The following TTC13 variants were observed in gnomAD, a reference collection of about 807,000 sequenced individuals.
TTC13 encodes the protein tetratricopeptide repeat domain 13, also known as tetratricopeptide repeat protein 13.
A neutral mutation model predicts 120.0 loss-of-function variants in TTC13; 62 were observed. The ratio of observed to expected loss-of-function variants is 0.52; its 90% CI spans 0.42 to 0.64. The LOEUF (loss-of-function observed/expected upper bound fraction) is 0.64, where lower values mean the gene tolerates loss of function less well. TTC13 is among the 30% of genes least tolerant of loss of function. The pLI is 0.00. For missense variants in TTC13, 824 were observed against 1,050.2 expected (o/e 0.78, Z 2.98); for synonymous variants, 384 against 393.5 (o/e 0.98, Z 0.28).
chr1:230,958,781 C>T (rs1055185367), intron 2 of TTC13, among the ~76,000 whole-genome samples: 4 of 152,134 alleles, frequency 2.6e-5, no homozygotes, highest in Non-Finnish European at 5.9e-5. Context: ...ACTTGAGCTC[C>T]GGAATTTCGA....
intron 3 of TTC13, among the ~76,000 whole-genome samples, chr1:230,956,851 A>G (rs1184895555): frequency 6.6e-6 from 1 of 152,212 alleles, no homozygotes. Context: ...AAAAGCTGGT[A>G]TAACTGGACT....
chr1:230,925,479 C>T (rs1258194375), intron 13 of TTC13, 38 bp downstream of exon 13: 2 of 1,611,026 alleles, frequency 1.2e-6, no homozygotes, highest in South Asian at 2.2e-5. Flanking sequence ...TCCTCTTATG[C>T]CAGGAATATT....
At chr1:230,957,831 T>C (rs1676243364) in intron 3 of TTC13, among the ~76,000 whole-genome samples, 1 of 70,138 alleles carries the variant, frequency 1.4e-5, no homozygotes, top group South Asian at 5.8e-4. Context: ...ATGAGTAAAA[T>C]AACTTAAAGT....
chr1:230,963,999 T>C (rs1005107673), intron 1 of TTC13, among the ~76,000 whole-genome samples: 5 of 152,208 alleles, frequency 3.3e-5, no homozygotes, highest in African/African-American at 9.7e-5. Context: ...TACACATTTA[T>C]AACCTGTTTC....
rs1474904038 is a variant in TTC13 at position 230,908,712 on chromosome 1, C to A, written c.2468G>T (p.Ser823Ile). 6.2e-7 allele frequency: 1 copy of A among 1,612,772 alleles called. No homozygotes were observed. Among genetic ancestry groups the A allele is most frequent in the Non-Finnish European group, 8.5e-7 (1 of 1,178,992 alleles). ...GTGTGGACCCCCCTCAAGTAGTTACCTTTTCAAGTTCATCCAGCTTTTGGC... is the reference window on the plus strand; with the variant it reads ...GTGTGGACCCCCCTCAAGTAGTTACATTTTCAAGTTCATCCAGCTTTTGGC... ...KVAKSWMNLK[S>I]ISPSYKTLPS... The change falls in exon 22 of 23, where the codon AGT becomes ATT. Residue 823 changes from serine (S) to isoleucine (I), a missense_variant and splice_region_variant. This residue lies in a region of TTC13 where 226 missense variants were observed against 259.1 expected (regional missense o/e 0.87). Transcript: ENST00000366661.
At chr1:230,936,943 G>A (rs1230770234) in intron 8 of TTC13, among the ~76,000 whole-genome samples, 2 of 152,210 alleles carry the variant, frequency 1.3e-5, no homozygotes, top group Non-Finnish European at 2.9e-5. Context: ...TTGGGATGAA[G>A]GAGTCAGTAA....
chr1:230,923,788 G>T lies in TTC13; in HGVS notation c.1814+53C>A, dbSNP rs985138587. 14 of 1,488,262 alleles carry T rather than the reference G, an allele frequency of 9.4e-6. No individual in the cohort carries two copies. The African/African-American group carries it at 1.2e-4, about 13-fold the overall frequency. 92.2% of individuals were successfully genotyped at this position (1,488,262 alleles called of 1,614,324 possible). A position where few individuals can be genotyped will look rare whatever the true frequency, so the allele number is the denominator to read the frequency against. ...GTCACTCCTGGTCTCCATGGCCTGT[G>T]TCTTGAGAATAAACTCCTAGGAAAA... On this transcript the variant is annotated intron_variant, in intron 15 of 22. Coordinates refer to ENST00000366661, the MANE Select transcript of TTC13 (RefSeq NM_024525.5).
chr1:230,930,723 T>C (rs1673466865), intron 11 of TTC13, among the ~76,000 whole-genome samples: 1 of 152,102 alleles, frequency 6.6e-6, no homozygotes, highest in Non-Finnish European at 1.5e-5. Flanking sequence ...ATCGAGACCA[T>C]CCTGGCCAAC....
At position 230,940,761 on chromosome 1, in the gene TTC13, G is replaced by T. The variant is rs1466509254; in HGVS notation, c.673-205C>A. On this transcript the variant is annotated intron_variant, in intron 6 of 22. Coordinates refer to ENST00000366661, the MANE Select transcript of TTC13 (RefSeq NM_024525.5). This position sits in a 1 kb window ranked among gnomAD's most constrained non-coding sequence, Gnocchi z 4.1. ...TAATCTTTGTCCAGTCAAGCAGGAG[G>T]CTGATGAACTATGACTGCAGCAACT... Among the ~76,000 whole-genome samples the T allele has an allele frequency of 1.3e-5, 2 of 152,174 alleles. No homozygotes were observed. The highest frequency in any genetic ancestry group is 4.8e-5 in the African/African-American group (2 of 41,442).
chr1:230,948,401 A>C (rs1268030766), intron 4 of TTC13, among the ~76,000 whole-genome samples: 1 of 35,358 alleles, frequency 2.8e-5, no homozygotes, highest in Non-Finnish European at 5.8e-5. Context: ...CTCACAATAC[A>C]AAAAAAAAAA....
chr1:230,927,632 C>T (rs145947372), intron 12 of TTC13, among the ~76,000 whole-genome samples: 1 of 152,084 alleles, frequency 6.6e-6, no homozygotes, highest in East Asian at 1.9e-4. Context: ...GTATCTTTAT[C>T]CAATTTGGGC....
chr1:230,931,447 T>C lies in TTC13; in HGVS notation c.1151A>G (p.Asn384Ser). Reference sequence around the variant, plus strand: ...CCCTTTCATATACTGGCACACTTCATTATATGGCTCTAGCTGCAGACACCG... The same window carrying C: ...CCCTTTCATATACTGGCACACTTCACTATATGGCTCTAGCTGCAGACACCG... ...FKRCLQLEPY[N>S]EVCQYMKGLS... Residue 384 changes from asparagine (N) to serine (S), a missense_variant, in exon 11 of 23, where the codon AAT becomes AGT. Coordinates refer to ENST00000366661, the MANE Select transcript of TTC13 (RefSeq NM_024525.5). 2 of 1,614,196 alleles carry C rather than the reference T, an allele frequency of 1.2e-6. No individual in the cohort carries two copies. Among genetic ancestry groups the C allele is most frequent in the South Asian group, 2.2e-5 (2 of 91,074 alleles).
chr1:230,930,206 C>T (rs1673411619), intron 11 of TTC13, among the ~76,000 whole-genome samples: 1 of 152,110 alleles, frequency 6.6e-6, no homozygotes, highest in Non-Finnish European at 1.5e-5. Flanking sequence ...ATTTCAAAGA[C>T]TTAGTACAAC....
intron 18 of TTC13, among the ~76,000 whole-genome samples, chr1:230,913,625 A>G (rs1671720107): frequency 6.6e-6 from 1 of 152,244 alleles, no homozygotes. Flanking sequence ...TGCTGGTATG[A>G]GCCACCACTT....
At chr1:230,916,421 G>A in intron 17 of TTC13, 119 bp from the exon 18 acceptor site, 1 of 767,556 alleles carries the variant, frequency 1.3e-6, no homozygotes, top group African/African-American at 1.7e-5. Flanking sequence ...GAGGTCATCT[G>A]ATACAAGAGA....
At position 230,958,288 on chromosome 1, in the gene TTC13, C is replaced by G. The variant is rs757322958; in HGVS notation, c.378G>C (p.Lys126Asn). The change falls in exon 3 of 23, where the codon AAG (lysine) becomes AAC (asparagine). Residue 126 changes from lysine (K) to asparagine (N), a missense_variant. Lys to Asn is a moderately conservative substitution (Grantham distance 94, BLOSUM62 0). Around this residue, in one of 4 missense-constraint regions of TTC13, gnomAD observed 8 missense variants for 27.1 expected, o/e 0.30. Coordinates refer to ENST00000366661, the MANE Select transcript of TTC13 (RefSeq NM_024525.5). ...GGAATCTCTTCTGTTCTGCAATAGA[C>G]TTGGCCTGGCTCTGGGAAAAAAAAA... is the stretch of plus-strand genomic sequence containing the variant. The part of the protein sequence containing the change: ...LNTEKILSQA[K>N]SIAEQKRFPF... The G allele has an allele frequency of 6.3e-7, 1 of 1,595,634 alleles. No individual in the cohort carries two copies. The highest frequency in any genetic ancestry group is 8.5e-7 in the Non-Finnish European group (1 of 1,174,154).
At chr1:230,966,487 A>AT in intron 1 of TTC13, among the ~76,000 whole-genome samples, 1 of 152,290 alleles carries the variant, frequency 6.6e-6, no homozygotes, top group Middle Eastern at 3.4e-3. Context: ...TTTACATGTG[A>AT]TTTTTTAAAT....
intron 13 of TTC13, 86 bp downstream of exon 13, chr1:230,925,431 C>A: frequency 7.1e-7 from 1 of 1,404,334 alleles, no homozygotes; most frequent in South Asian, 1.2e-5. Context: ...ACAATAAATA[C>A]TAATTTATTA....
At chr1:230,973,572 G>A (rs912315411) in intron 1 of TTC13, among the ~76,000 whole-genome samples, 7 of 152,164 alleles carry the variant, frequency 4.6e-5, no homozygotes, top group African/African-American at 1.7e-4. Context: ...AGTGAAAAAA[G>A]GCTGAAGGCA....
Sources: gnomAD v4.1 joint callset for allele counts (sites outside exome capture counted in the v4.1 genomes callset) on GRCh38, gnomAD v4.1.1 for gene constraint, gnomAD v4.1.1 regional missense constraint, Gnocchi (gnomAD v3.1) non-coding constraint, MANE v1.5 for transcripts, NCBI Gene and HGNC (gene_info 2026-07-23, HGNC 2026-07-21) for gene names.